Variants in SLC24A2 observed in about 807,000 individuals in gnomAD.
SLC24A2 encodes sodium/potassium/calcium exchanger 2.
A neutral mutation model predicts 62.0 loss-of-function variants in SLC24A2; 36 were observed. That is an observed-to-expected ratio of 0.58 (90% confidence interval 0.44 to 0.77). The LOEUF is 0.77. Among genes scored for constraint, SLC24A2 ranks in the 30% least tolerant of loss-of-function variants. SLC24A2 has a pLI of 0.00. For missense variants in SLC24A2, 846 were observed against 817.9 expected (o/e 1.03, Z -0.42); for synonymous variants, 358 against 294.0 (o/e 1.22, Z -2.23).
chr9:20,077,395 C>T, the SLC24A2 span, among the ~76,000 whole-genome samples: 3 of 152,058 alleles, frequency 2.0e-5, no homozygotes, highest in African/African-American at 7.3e-5. Context: ...AACATTCCTT[C>T]ATAAACCTCA....
the SLC24A2 span, among the ~76,000 whole-genome samples, chr9:20,171,158 A>C: frequency 6.6e-6 from 1 of 152,020 alleles, no homozygotes; most frequent in African/African-American, 2.4e-5. Flanking sequence ...TTTTTCAGAC[A>C]AACAAATGCT....
At chr9:19,762,689 C>G (rs193073014) in intron 2 of SLC24A2, among the ~76,000 whole-genome samples, 15 of 151,974 alleles carry the variant, frequency 9.9e-5, no homozygotes, top group African/African-American at 3.6e-4. Flanking sequence ...GGTACCAGTA[C>G]CAAGCTGTTT....
intron 2 of SLC24A2, among the ~76,000 whole-genome samples, chr9:19,777,872 A>G (rs1446221549): frequency 2.0e-5 from 3 of 152,190 alleles, no homozygotes; most frequent in Non-Finnish European, 4.4e-5. Flanking sequence ...ATACTCTTGT[A>G]CAATGAATAC....
At chr9:20,136,221 T>C in the SLC24A2 span, among the ~76,000 whole-genome samples, 1 of 152,122 alleles carries the variant, frequency 6.6e-6, no homozygotes, top group Admixed American at 6.6e-5. Context: ...AGTAGCTAGA[T>C]AAAGCTAGAA....
the SLC24A2 span, among the ~76,000 whole-genome samples, chr9:19,949,461 A>G: frequency 6.6e-6 from 1 of 152,246 alleles, no homozygotes; most frequent in Admixed American, 6.5e-5. Flanking sequence ...ATGTGATGAA[A>G]TAGTCAAAGG....
At chr9:19,597,203 G>A in intron 5 of SLC24A2, 26 bp downstream of exon 5, 9 of 1,488,562 alleles carry the variant, frequency 6.0e-6, no homozygotes, top group Non-Finnish European at 7.5e-6. Context: ...AAAAGCCAAT[G>A]CATACAATTC....
chr9:19,559,701 G>A (rs1238979645), intron 7 of SLC24A2, among the ~76,000 whole-genome samples: 1 of 152,072 alleles, frequency 6.6e-6, no homozygotes. Flanking sequence ...TCTCCATTTT[G>A]TAAGTTTAAA....
At chr9:20,081,420 T>C in the SLC24A2 span, among the ~76,000 whole-genome samples, 71 of 135,608 alleles carry the variant, frequency 5.2e-4, 2 homozygotes, top group Non-Finnish European at 5.0e-4. Flanking sequence ...TAGGTGGGAA[T>C]TGAACAATGA....
the SLC24A2 span, among the ~76,000 whole-genome samples, chr9:19,905,827 T>A: frequency 1.5e-3 from 232 of 152,270 alleles, 3 homozygotes; most frequent in East Asian, 0.038. Context: ...AGAACATAAT[T>A]TGTATTAACA....
At chr9:20,118,124 A>C in the SLC24A2 span, among the ~76,000 whole-genome samples, 1 of 152,108 alleles carries the variant, frequency 6.6e-6, no homozygotes, top group Non-Finnish European at 1.5e-5. Flanking sequence ...CAAGAGTTTA[A>C]TATGCATATT....
the SLC24A2 span, among the ~76,000 whole-genome samples, chr9:20,277,994 C>T: frequency 6.6e-6 from 1 of 152,054 alleles, no homozygotes; most frequent in Non-Finnish European, 1.5e-5. Flanking sequence ...AGACAGAAAA[C>T]CAAACTCTCC....
chr9:19,808,247 T>C, the SLC24A2 span, among the ~76,000 whole-genome samples: 1 of 152,218 alleles, frequency 6.6e-6, no homozygotes, highest in Non-Finnish European at 1.5e-5. This position sits in a 1 kb window ranked among gnomAD's most constrained non-coding sequence, Gnocchi z 4.1. Flanking sequence ...ACAGATGTAC[T>C]TGAATTAACT....
chr9:20,212,557 CCATCTATACTATGTATA>C, the SLC24A2 span, among the ~76,000 whole-genome samples: 1 of 151,674 alleles, frequency 6.6e-6, no homozygotes, highest in South Asian at 2.1e-4. Flanking sequence ...AGGCATATGT[CCATCTATACTATGTATA>C]TATATTATAG....
At chr9:19,611,202 G>A (rs1271780693) in intron 4 of SLC24A2, among the ~76,000 whole-genome samples, 1 of 152,044 alleles carries the variant, frequency 6.6e-6, no homozygotes, top group East Asian at 1.9e-4. Flanking sequence ...GGGCCCTGAG[G>A]CAGGAGTGTG....
chr9:20,099,024 A>G, the SLC24A2 span, among the ~76,000 whole-genome samples: 5 of 152,222 alleles, frequency 3.3e-5, no homozygotes, highest in African/African-American at 1.2e-4. Flanking sequence ...GCAGATGGTA[A>G]TGTATTTGCT....
chr9:19,550,197 A>G lies in SLC24A2; in HGVS notation c.1419T>C (p.Phe473=). The part of the protein sequence containing the change: ...WPSETRKQVT[F]LIVFPIVFPL... ...GAAACACTATGGGGAAAACAATCAGAAACGTGACTTGCTTGCGGGTTTCAG... is the reference window on the plus strand; with the variant it reads ...GAAACACTATGGGGAAAACAATCAGGAACGTGACTTGCTTGCGGGTTTCAG... The change falls in exon 8 of 11, where the codon TTT becomes TTC. Residue 473 remains phenylalanine, a synonymous_variant. Coordinates refer to ENST00000341998, the MANE Select transcript of SLC24A2 (RefSeq NM_020344.4). 1.2e-6 allele frequency: 2 copies of G among 1,614,200 alleles called. No homozygotes were observed. The highest frequency in any genetic ancestry group is 2.2e-5 in the South Asian group (2 of 91,090).
the SLC24A2 span, among the ~76,000 whole-genome samples, chr9:20,023,341 T>C: frequency 6.6e-6 from 1 of 152,204 alleles, no homozygotes; most frequent in Non-Finnish European, 1.5e-5. Flanking sequence ...GCTCTGTATT[T>C]CCATGGAAAC....
chr9:19,913,518 G>C, the SLC24A2 span, among the ~76,000 whole-genome samples: 1 of 152,214 alleles, frequency 6.6e-6, no homozygotes, highest in South Asian at 2.1e-4. Context: ...CCAGTATACA[G>C]GGAGAATCCA....
At chr9:19,962,503 T>A in the SLC24A2 span, among the ~76,000 whole-genome samples, 1 of 152,238 alleles carries the variant, frequency 6.6e-6, no homozygotes, top group Non-Finnish European at 1.5e-5. Flanking sequence ...GAGCATGGAA[T>A]GTTCTTCCAT....
Sources: allele counts gnomAD v4.1 joint callset (sites outside exome capture counted in the v4.1 genomes callset), GRCh38; gene constraint gnomAD v4.1.1; non-coding constraint Gnocchi (gnomAD v3.1); transcripts MANE v1.5; gene names NCBI Gene and HGNC (gene_info 2026-07-23, HGNC 2026-07-21).